The following ELP4 variants were observed in gnomAD, a reference collection of about 807,000 sequenced individuals.
The protein encoded by ELP4 is elongator complex protein 4.
Under a neutral mutation model 48.9 loss-of-function variants are expected in ELP4, and 51 were observed. That is an observed-to-expected ratio of 1.04 (90% CI 0.83 to 1.32). The LOEUF is 1.32. Ranked by LOEUF, ELP4 falls within the 40% of genes most tolerant of loss-of-function variation. ELP4 has a pLI of 0.00. For synonymous variants in ELP4, 210 were observed against 189.2 expected, an observed-to-expected ratio of 1.11 and a Z score of -0.90; for missense variants, 519 against 514.6, an observed-to-expected ratio of 1.01 and a Z score of -0.08.
intron 9 of ELP4, among the ~76,000 whole-genome samples, chr11:31,718,496 G>C (rs1352746226): frequency 6.6e-6 from 1 of 152,192 alleles, no homozygotes; most frequent in Non-Finnish European, 1.5e-5. Context: ...GGAACAGCAG[G>C]CATGCTTGTT....
intron 7 of ELP4, chr11:31,632,710 G>T: frequency 4.7e-6 from 1 of 214,688 alleles, no homozygotes; most frequent in Non-Finnish European, 9.1e-6. Flanking sequence ...TATTGATGAA[G>T]TTTAATTTAT....
At chr11:31,761,098 C>T (rs977214433) in intron 9 of ELP4, among the ~76,000 whole-genome samples, 2 of 152,092 alleles carry the variant, frequency 1.3e-5, no homozygotes, top group Non-Finnish European at 2.9e-5. Context: ...CGCGGTGGCT[C>T]ACGCCTGTAA....
intron 9 of ELP4, among the ~76,000 whole-genome samples, chr11:31,751,359 A>C (rs1039271138): frequency 6.6e-6 from 1 of 152,204 alleles, no homozygotes; most frequent in Non-Finnish European, 1.5e-5. Flanking sequence ...TCTTCTTTCG[A>C]GCCCTCATCA....
chr11:31,554,599 G>A (rs1310377847), intron 3 of ELP4, among the ~76,000 whole-genome samples: 2 of 152,022 alleles, frequency 1.3e-5, no homozygotes, highest in African/African-American at 2.4e-5. Flanking sequence ...CACTTTAGAT[G>A]TACTGTTTTA....
intron 2 of ELP4, among the ~76,000 whole-genome samples, chr11:31,523,865 T>C (rs887264540): frequency 6.6e-6 from 1 of 152,138 alleles, no homozygotes; most frequent in Non-Finnish European, 1.5e-5. Flanking sequence ...ATTGGTAAAT[T>C]TGGAACACCT....
At chr11:31,691,907 T>G (rs1213879103) in intron 9 of ELP4, among the ~76,000 whole-genome samples, 1 of 152,148 alleles carries the variant, frequency 6.6e-6, no homozygotes, top group Non-Finnish European at 1.5e-5. Context: ...ATTAACTTCT[T>G]AGTGAGTAAT....
intron 9 of ELP4, among the ~76,000 whole-genome samples, chr11:31,713,643 T>G (rs1443366753): frequency 6.6e-6 from 1 of 152,194 alleles, no homozygotes; most frequent in Admixed American, 6.5e-5. Context: ...AGCTGTAACT[T>G]TAGAGGTAAA....
At chr11:31,640,729 A>T (rs1001179190) in intron 7 of ELP4, among the ~76,000 whole-genome samples, 4 of 152,102 alleles carry the variant, frequency 2.6e-5, no homozygotes, top group African/African-American at 4.8e-5. Flanking sequence ...AGCAAATTGT[A>T]CACTGTGGCT....
At chr11:31,737,169 A>G (rs1288178170) in intron 9 of ELP4, among the ~76,000 whole-genome samples, 4 of 152,132 alleles carry the variant, frequency 2.6e-5, no homozygotes, top group East Asian at 1.9e-4. Flanking sequence ...TCCTTTGTAG[A>G]GACATGGATG....
intron 3 of ELP4, among the ~76,000 whole-genome samples, chr11:31,573,125 T>C (rs1032684354): frequency 2.0e-5 from 3 of 152,354 alleles, no homozygotes; most frequent in Non-Finnish European, 4.4e-5. Flanking sequence ...TACAATTCAG[T>C]GAGTTTGAGT....
intron 9 of ELP4, among the ~76,000 whole-genome samples, chr11:31,686,818 G>A (rs913114334): frequency 1.3e-5 from 2 of 151,358 alleles, no homozygotes; most frequent in East Asian, 1.9e-4. Flanking sequence ...GCAGTGAGCC[G>A]AGATCATGCC....
chr11:31,548,005 C>A (rs1264033305), intron 3 of ELP4, among the ~76,000 whole-genome samples: 1 of 152,154 alleles, frequency 6.6e-6, no homozygotes, highest in African/African-American at 2.4e-5. Flanking sequence ...TAAGAGCTAT[C>A]TATGACAAAC....
intron 9 of ELP4, among the ~76,000 whole-genome samples, chr11:31,765,349 T>G (rs1948021429): frequency 6.6e-6 from 1 of 152,206 alleles, no homozygotes; most frequent in Non-Finnish European, 1.5e-5. Context: ...TAGTGATATT[T>G]ACAAACACTG....
chr11:31,578,612 C>T (rs1282573373), intron 3 of ELP4, among the ~76,000 whole-genome samples: 1 of 152,090 alleles, frequency 6.6e-6, no homozygotes, highest in Non-Finnish European at 1.5e-5. Flanking sequence ...TGGAACAGAA[C>T]GGAGCCCTCA....
chr11:31,560,538 A>G (rs1957001176), intron 3 of ELP4, among the ~76,000 whole-genome samples: 1 of 151,626 alleles, frequency 6.6e-6, no homozygotes, highest in Non-Finnish European at 1.5e-5. Context: ...ATATACCCCT[A>G]TACAGTAAAC....
intron 9 of ELP4, among the ~76,000 whole-genome samples, chr11:31,721,286 A>G (rs1355284532): frequency 6.6e-6 from 1 of 152,170 alleles, no homozygotes; most frequent in Non-Finnish European, 1.5e-5. Flanking sequence ...ATCTAGTCTG[A>G]TGCCAAGATG....
intron 3 of ELP4, among the ~76,000 whole-genome samples, chr11:31,552,954 G>C (rs1364704725): frequency 6.6e-6 from 1 of 152,058 alleles, no homozygotes; most frequent in Non-Finnish European, 1.5e-5. Flanking sequence ...ATTTGCTGTT[G>C]CCTTGGCTAA....
chr11:31,547,618 G>C (rs1349582295), intron 3 of ELP4, among the ~76,000 whole-genome samples: 1 of 152,086 alleles, frequency 6.6e-6, no homozygotes. Flanking sequence ...AAGAGGGAAT[G>C]TTCCCTAACT....
intron 2 of ELP4, among the ~76,000 whole-genome samples, chr11:31,529,416 A>G (rs911266777): frequency 6.6e-6 from 1 of 152,174 alleles, no homozygotes; most frequent in Non-Finnish European, 1.5e-5. Flanking sequence ...AATAAAGTCA[A>G]GGACTGGAGA....
Sources: gnomAD v4.1 joint callset for allele counts (sites outside exome capture counted in the v4.1 genomes callset) on GRCh38, gnomAD v4.1.1 for gene constraint, MANE v1.5 for transcripts, NCBI Gene and HGNC (gene_info 2026-07-23, HGNC 2026-07-21) for gene names.